The following DNAJC9 variants were observed in gnomAD, a reference collection of about 807,000 sequenced individuals.
DNAJC9 encodes DnaJ heat shock protein family (Hsp40) member C9, also known as dnaJ homolog subfamily C member 9.
Under a neutral mutation model 32.4 loss-of-function variants are expected in DNAJC9, and 18 were observed. The observed-to-expected ratio is 0.56, with a 90% confidence interval of 0.38 to 0.82. The LOEUF (loss-of-function observed/expected upper bound fraction) is 0.82, where lower values mean the gene tolerates loss of function less well. Among genes scored for constraint, DNAJC9 ranks in the 40% least tolerant of loss-of-function variants. DNAJC9 has a pLI of 0.00. For synonymous variants in DNAJC9, 113 were observed against 122.1 expected (o/e 0.93, Z 0.49); for missense variants, 310 against 321.8 (o/e 0.96, Z 0.28).
chr10:73,240,805 T>C (rs2043932629), downstream of DNAJC9: 2 of 592,364 alleles, frequency 3.4e-6, no homozygotes, highest in Admixed American at 2.7e-5. Flanking sequence ...ATTAGTGGGC[T>C]CTTCTACAAA....
At chr10:73,245,834 G>C in intron 3 of DNAJC9, 88 bp downstream of exon 3, 1 of 1,519,802 alleles carries the variant, frequency 6.6e-7, no homozygotes, top group East Asian at 2.3e-5. Context: ...TATTTCTGGA[G>C]TTTTATGTTT....
In DNAJC9 at chr10:73,246,193, T is replaced by A. The variant is rs1183382063; in HGVS notation, c.322-17A>T. On this transcript the variant is annotated splice_polypyrimidine_tract_variant and intron_variant, in intron 2 of 4. Transcript: ENST00000372950. The stretch of plus-strand genomic sequence containing the variant: ...TAAAGATATCTGATGATAAAGGAGA[T>A]TTGCTTTAACTTTGGGAATTTTACT... 1.3e-6 allele frequency: 2 copies of A among 1,589,156 alleles called. No homozygotes were observed. Among genetic ancestry groups the A allele is most frequent in the South Asian group, 2.3e-5 (2 of 85,320 alleles).
At chr10:73,240,494 C>T (rs950276792), downstream of DNAJC9, among the ~76,000 whole-genome samples, 10 of 152,104 alleles carry the variant, frequency 6.6e-5, no homozygotes, top group Non-Finnish European at 1.0e-4. Flanking sequence ...GGGCGGATCA[C>T]GAGGTCAGCA....
intron 2 of DNAJC9, chr10:73,233,185 TC>T: frequency 6.7e-7 from 1 of 1,492,568 alleles, no homozygotes; most frequent in South Asian, 1.2e-5. Flanking sequence ...AAGCAGAACT[TC>T]TGGAAACCGT....
chr10:73,232,958 C>G, intron 2 of DNAJC9: 5 of 1,550,482 alleles, frequency 3.2e-6, no homozygotes, highest in Non-Finnish European at 4.4e-6. Context: ...TGACAAGCTA[C>G]TTATGAGGCC....
chr10:73,239,409 T>C (rs1466199316), downstream of DNAJC9: 2 of 1,528,234 alleles, frequency 1.3e-6, no homozygotes, highest in Non-Finnish European at 1.8e-6. Flanking sequence ...ATGGCCCTTA[T>C]TTACTACTGT....
At chr10:73,246,880 C>T in intron 1 of DNAJC9, 52 bp from the exon 2 acceptor site, 1 of 1,608,926 alleles carries the variant, frequency 6.2e-7, no homozygotes, top group Non-Finnish European at 8.5e-7. Flanking sequence ...ACCGAAACGG[C>T]GGCGCGAGAA....
At chr10:73,240,641 G>A (rs2043924606), downstream of DNAJC9, among the ~76,000 whole-genome samples, 2 of 151,854 alleles carry the variant, frequency 1.3e-5, no homozygotes, top group African/African-American at 2.4e-5. Context: ...GAACCTGGGA[G>A]GCAGAGCTTG....
rs1416712035 is a variant in DNAJC9, at chr10:73,246,098, A to G, written c.400T>C (p.Tyr134His). 2 of 1,613,964 alleles carry G rather than the reference A, an allele frequency of 1.2e-6. No individual in the cohort carries two copies. The highest frequency in any genetic ancestry group is 1.7e-6 in the Non-Finnish European group (2 of 1,179,980). ...TCCATGTCACCCTTGAAGTCCAGAT[A>G]GGCCTGCTTAATATCAGCCAGCTCT... ...EEELADIKQAYLDFKGDMDQI... is the reference protein window; with the variant it reads ...EEELADIKQAHLDFKGDMDQI... The change falls in exon 3 of 5, where the codon TAT becomes CAT. Residue 134 changes from tyrosine to histidine, a missense_variant. Physicochemically the swap from Tyr to His is moderately conservative, Grantham distance 83. Coordinates refer to ENST00000372950, the MANE Select transcript of DNAJC9 (RefSeq NM_015190.5).
intron 2 of DNAJC9, chr10:73,233,198 GT>G: frequency 7.2e-7 from 1 of 1,392,138 alleles, no homozygotes; most frequent in Non-Finnish European, 1.0e-6. Context: ...GGAAACCGTG[GT>G]AAAACTAACA....
chr10:73,234,502 G>C (rs2043778826), downstream of DNAJC9: 1 of 278,086 alleles, frequency 3.6e-6, no homozygotes, highest in African/African-American at 2.2e-5. Flanking sequence ...CATCAGCTGG[G>C]AATTTACAAA....
intron 3 of DNAJC9, among the ~76,000 whole-genome samples, chr10:73,245,371 G>A (rs2043994947): frequency 1.6e-5 from 2 of 124,456 alleles, no homozygotes; most frequent in South Asian, 2.5e-4. Flanking sequence ...CACCCCCACT[G>A]TCACTGGAAA....
downstream of DNAJC9, chr10:73,234,449 G>A (rs1589194587): frequency 1.9e-5 from 4 of 206,342 alleles, no homozygotes; most frequent in East Asian, 3.7e-4. Flanking sequence ...TAGTTATTAG[G>A]GAAAACGATA....
chr10:73,236,393 G>A (rs920703973), downstream of DNAJC9, among the ~76,000 whole-genome samples: 2 of 150,568 alleles, frequency 1.3e-5, no homozygotes, highest in African/African-American at 4.9e-5. Flanking sequence ...GCTTGCAGCT[G>A]CATCACTCCC....
downstream of DNAJC9, chr10:73,234,940 G>A: frequency 6.4e-7 from 1 of 1,551,746 alleles, no homozygotes; most frequent in Non-Finnish European, 8.7e-7. Context: ...AAAGACAGAT[G>A]GTATGTTTCT....
rs566750409 is a variant in DNAJC9, at chr10:73,247,003, T to C, written c.180+7A>G. On this transcript the variant is annotated splice_region_variant and intron_variant, in intron 1 of 4. Transcript: ENST00000372950. ...GCCGGTCGGCTTCGGGGCGGGACCC[T>C]GCATACCTGGAAGCGGCGGGTGGCG... The C allele has an allele frequency of 1.9e-6, 3 of 1,562,790 alleles. No homozygotes were observed. Among genetic ancestry groups the C allele is most frequent in the Non-Finnish European group, 1.7e-6 (2 of 1,153,252 alleles).
chr10:73,245,801 T>C lies in DNAJC9; in HGVS notation c.576+121A>G, dbSNP rs561851010. 7.6e-4 allele frequency: 957 copies of C among 1,258,760 alleles called. 5 individuals carry two copies. The Middle Eastern group carries it at 8.3e-3, about 11-fold the overall frequency. The allele number at this position is 1,258,760 out of a possible 1,614,324, so 78.0% of individuals were successfully genotyped here. On this transcript the variant is annotated intron_variant, in intron 3 of 4. Coordinates refer to ENST00000372950, the MANE Select transcript of DNAJC9 (RefSeq NM_015190.5). ...TGCCCATTTTATTAGATCGAAACTA[T>C]AGACCAAGTTAACCCTAGTCCTTAT...
chr10:73,246,574 A>G, intron 2 of DNAJC9, 114 bp downstream of exon 2: 1 of 1,293,446 alleles, frequency 7.7e-7, no homozygotes, highest in East Asian at 2.3e-5. Context: ...GCCAAACTCA[A>G]AATTCCTAAT....
downstream of DNAJC9, among the ~76,000 whole-genome samples, chr10:73,240,483 C>T (rs192299613): frequency 5.6e-4 from 86 of 152,218 alleles, no homozygotes; most frequent in African/African-American, 1.9e-3. Flanking sequence ...GAGGCCAAGG[C>T]GGGCGGATCA....
Sources: gnomAD v4.1 joint callset for allele counts (sites outside exome capture counted in the v4.1 genomes callset) on GRCh38, gnomAD v4.1.1 for gene constraint, MANE v1.5 for transcripts, NCBI Gene and HGNC (gene_info 2026-07-23, HGNC 2026-07-21) for gene names.